Variants in MEGF11 observed in about 807,000 individuals in gnomAD.
The protein encoded by MEGF11 is multiple EGF like domains 11, also known as multiple epidermal growth factor-like domains protein 11.
A neutral mutation model predicts 146.6 loss-of-function variants in MEGF11; 126 were observed. The observed-to-expected ratio is 0.86, with a 90% CI of 0.74 to 1.00. The LOEUF (loss-of-function observed/expected upper bound fraction) is 1.00. MEGF11 is among the 50% of genes least tolerant of loss of function. The probability of loss-of-function intolerance (pLI) is 0.00; values close to 1 mark genes in which losing one functional copy is unlikely to be tolerated. For synonymous variants in MEGF11, 532 were observed against 583.4 expected (o/e 0.91, Z 1.27); for missense variants, 1,509 against 1,521.2 (o/e 0.99, Z 0.13).
intron 1 of MEGF11, among the ~76,000 whole-genome samples, chr15:66,214,243 C>A (rs2091532790): frequency 6.6e-6 from 1 of 152,112 alleles, no homozygotes; most frequent in African/African-American, 2.4e-5. Flanking sequence ...CCATGTTGGC[C>A]AGGCTGGTCT....
chr15:66,250,106 C>G (rs570152356), intron 1 of MEGF11, among the ~76,000 whole-genome samples: 1 of 152,194 alleles, frequency 6.6e-6, no homozygotes, highest in Non-Finnish European at 1.5e-5. Flanking sequence ...TGGCACCAGT[C>G]TCTATGGATA....
intron 1 of MEGF11, among the ~76,000 whole-genome samples, chr15:66,170,244 C>T (rs1310871576): frequency 2.0e-5 from 3 of 152,306 alleles, no homozygotes; most frequent in East Asian, 1.9e-4. Context: ...TGAGCTGTGC[C>T]TCCTTCCTGA....
chr15:66,221,548 AC>A (rs2091738002), intron 1 of MEGF11, among the ~76,000 whole-genome samples: 1 of 147,284 alleles, frequency 6.8e-6, no homozygotes, highest in African/African-American at 2.5e-5. Context: ...CACCCTCCCC[AC>A]AGCCCTGGCA....
chr15:65,924,453 G>T (rs2079295364), intron 13 of MEGF11, among the ~76,000 whole-genome samples: 1 of 152,040 alleles, frequency 6.6e-6, no homozygotes. Context: ...ATTGACAGGG[G>T]TCTCTCCCAG....
chr15:65,984,525 C>A lies in MEGF11; in HGVS notation c.395-2037G>T, dbSNP rs1292463846. Among the ~76,000 whole-genome samples, 59 of 49,492 alleles carry A rather than the reference C, an allele frequency of 1.2e-3. No homozygotes were observed. The East Asian group carries it at 0.015, about 12-fold the overall frequency. The allele number at this position is 49,492 out of a possible 152,430, so 32.5% of individuals were successfully genotyped here. A position where few individuals can be genotyped will look rare whatever the true frequency, so the allele number is the denominator to read the frequency against. On this transcript the variant is annotated intron_variant, in intron 5 of 25. Coordinates refer to ENST00000395614, the MANE Select transcript of MEGF11 (RefSeq NM_001385028.1). ...TGGGCGATAGAGCAAGACTCCGTGT[C>A]AAAAAAAAAAAAAAAAAAAAAAAAA... is the stretch of plus-strand genomic sequence containing the variant.
Position 66,227,720 on chromosome 15 carries a change from G to T in MEGF11, c.-9+25885C>A, listed in dbSNP as rs980208713. ...CTTCCCCAGTTCAAGCCATGGAAGC[G>T]CCGGGCTTCTGCTGTTTGGGACATG... On this transcript the variant is annotated intron_variant, in intron 1 of 25. Coordinates refer to ENST00000395614, the MANE Select transcript of MEGF11 (RefSeq NM_001385028.1). Among the ~76,000 whole-genome samples, 3 of 152,174 alleles carry T rather than the reference G, an allele frequency of 2.0e-5. No individual in the cohort carries two copies. In the South Asian group the frequency reaches 6.2e-4, roughly 32 times the overall value.
intron 5 of MEGF11, among the ~76,000 whole-genome samples, chr15:66,085,626 G>A (rs896174194): frequency 2.0e-5 from 3 of 152,224 alleles, no homozygotes; most frequent in African/African-American, 7.2e-5. Flanking sequence ...GGAAAAGGGG[G>A]AGAGTACTAC....
Position 66,050,756 on chromosome 15 carries a change from A to AG in MEGF11, c.394+43645dup, listed in dbSNP as rs2084416004. Among the ~76,000 whole-genome samples, 6 of 152,328 alleles carry AG rather than the reference A, an allele frequency of 3.9e-5. No individual in the cohort carries two copies. The South Asian group carries it at 1.2e-3, about 32-fold the overall frequency. ...CCAGGAAGAAGGTCATTGCAGCTCC[A>AG]GGGGAGTCCACACATCTTCCCAGCC... On this transcript the variant is annotated intron_variant, in intron 5 of 25. Coordinates refer to ENST00000395614, the MANE Select transcript of MEGF11 (RefSeq NM_001385028.1).
chr15:66,048,747 G>A (rs554024780), intron 5 of MEGF11, among the ~76,000 whole-genome samples: 1 of 152,252 alleles, frequency 6.6e-6, no homozygotes, highest in South Asian at 2.1e-4. Flanking sequence ...TGAGTCCACA[G>A]GGGCCTAACT....
intron 1 of MEGF11, among the ~76,000 whole-genome samples, chr15:66,251,950 C>T (rs2092376988): frequency 6.6e-6 from 1 of 152,250 alleles, no homozygotes; most frequent in South Asian, 2.1e-4. Context: ...GTCTGCTCAA[C>T]GCCCTCGGGG....
rs2084549697 is a variant in MEGF11 at position 66,053,714 on chromosome 15, A to ATTTTTTTTTTTTTTTTTTTTTTTTTTT, written c.394+40687_394+40688insAAAAAAAAAAAAAAAAAAAAAAAAAAA. Among the ~76,000 whole-genome samples, 7 of 42,268 alleles carry ATTTTTTTTTTTTTTTTTTTTTTTTTTT rather than the reference A, an allele frequency of 1.7e-4. 3 individuals are homozygous for ATTTTTTTTTTTTTTTTTTTTTTTTTTT. The highest frequency in any genetic ancestry group is 2.1e-4 in the African/African-American group (4 of 18,974). 27.7% of individuals were successfully genotyped at this position (42,268 alleles called of 152,430 possible). A position where few individuals can be genotyped will look rare whatever the true frequency, so the allele number is the denominator to read the frequency against. ...ACTCAGCTCCCCCTCCCCTGGCACC[A>ATTTTTTTTTTTTTTTTTTTTTTTTTTT]ATTTTTTTTTTTTTTTTTTTTTTTT... On this transcript the variant is annotated intron_variant, in intron 5 of 25. Coordinates refer to ENST00000395614, the MANE Select transcript of MEGF11 (RefSeq NM_001385028.1).
chr15:66,092,662 C>A (rs2086366150), intron 5 of MEGF11, among the ~76,000 whole-genome samples: 1 of 152,238 alleles, frequency 6.6e-6, no homozygotes, highest in African/African-American at 2.4e-5. Flanking sequence ...TGAAAAGACA[C>A]AGACCATGTC....
intron 1 of MEGF11, among the ~76,000 whole-genome samples, chr15:66,247,571 C>A (rs2092312511): frequency 1.3e-5 from 2 of 152,132 alleles, no homozygotes; most frequent in Non-Finnish European, 2.9e-5. Flanking sequence ...GCCCAATACA[C>A]AAATCAAGGT....
At chr15:66,139,671 C>T (rs2089055182) in intron 1 of MEGF11, among the ~76,000 whole-genome samples, 1 of 151,472 alleles carries the variant, frequency 6.6e-6, no homozygotes, top group African/African-American at 2.4e-5. Context: ...CGATCTATTT[C>T]TGGAGCAACT....
chr15:66,086,474 C>T (rs766769347), intron 5 of MEGF11, among the ~76,000 whole-genome samples: 1 of 152,136 alleles, frequency 6.6e-6, no homozygotes, highest in Non-Finnish European at 1.5e-5. Context: ...CAGCAGAAAC[C>T]CTATAAGCTA....
chr15:65,923,437 C>T (rs1029779933), intron 13 of MEGF11, among the ~76,000 whole-genome samples: 5 of 152,196 alleles, frequency 3.3e-5, no homozygotes, highest in Non-Finnish European at 7.3e-5. Context: ...CGCATGTTAG[C>T]CCAGGAGCCA....
chr15:65,960,488 G>C (rs1287249978), intron 9 of MEGF11, among the ~76,000 whole-genome samples: 1 of 152,224 alleles, frequency 6.6e-6, no homozygotes, highest in Non-Finnish European at 1.5e-5. Context: ...AGATGGTTTT[G>C]GAGCACTCTT....
chr15:66,115,360 C>G (rs1292678492), intron 4 of MEGF11, among the ~76,000 whole-genome samples: 1 of 152,226 alleles, frequency 6.6e-6, no homozygotes, highest in Non-Finnish European at 1.5e-5. Context: ...TCTTCACCCT[C>G]TCACTACCAT....
intron 10 of MEGF11, among the ~76,000 whole-genome samples, chr15:65,946,757 G>A (rs1295301006): frequency 6.6e-6 from 1 of 152,170 alleles, no homozygotes; most frequent in African/African-American, 2.4e-5. Flanking sequence ...GTCAAATACA[G>A]TACTGTTTTG....
Sources: allele counts gnomAD v4.1 joint callset (sites outside exome capture counted in the v4.1 genomes callset), GRCh38; gene constraint gnomAD v4.1.1; transcripts MANE v1.5; gene names NCBI Gene and HGNC (gene_info 2026-07-23, HGNC 2026-07-21).